CASS4: variants seen among roughly 807,000 people sequenced by gnomAD.
CASS4 encodes Cas scaffold protein family member 4, also known as cas scaffolding protein family member 4.
A neutral mutation model predicts 54.2 loss-of-function variants in CASS4; 22 were observed. That is an observed-to-expected ratio of 0.41 (90% CI 0.29 to 0.58). The LOEUF (loss-of-function observed/expected upper bound fraction) is 0.58, where lower values mean the gene tolerates loss of function less well. CASS4 is among the 20% of genes least tolerant of loss of function. CASS4 has a pLI of 0.36. For synonymous variants in CASS4, 409 were observed against 391.5 expected (o/e 1.04, Z -0.53); for missense variants, 854 against 986.7 (o/e 0.87, Z 1.80).
intron 5 of CASS4, among the ~76,000 whole-genome samples, chr20:56,457,682 A>G (rs1241687095): frequency 1.3e-5 from 2 of 152,146 alleles, no homozygotes; most frequent in South Asian, 4.1e-4. Context: ...TTCTTTGAGA[A>G]AATTTTAAAT....
intron 1 of CASS4, among the ~76,000 whole-genome samples, chr20:56,421,731 A>G (rs1979420063): frequency 6.6e-6 from 1 of 152,162 alleles, no homozygotes; most frequent in African/African-American, 2.4e-5. Flanking sequence ...ACAGGCTTAG[A>G]CAAAGTTTTC....
chr20:56,429,239 A>C (rs183928458), intron 1 of CASS4, among the ~76,000 whole-genome samples: 2 of 152,234 alleles, frequency 1.3e-5, no homozygotes, highest in East Asian at 3.9e-4. Flanking sequence ...TGTGCGGGCC[A>C]GTTCCCTCTC....
At chr20:56,425,079 C>T (rs2146268676) in intron 1 of CASS4, among the ~76,000 whole-genome samples, 1 of 152,358 alleles carries the variant, frequency 6.6e-6, no homozygotes, top group South Asian at 2.1e-4. Context: ...CCTTGGGGAA[C>T]ATGTCCCATC....
intron 1 of CASS4, among the ~76,000 whole-genome samples, chr20:56,423,696 C>T (rs908147461): frequency 2.0e-5 from 3 of 152,112 alleles, no homozygotes; most frequent in Non-Finnish European, 4.4e-5. Flanking sequence ...AGGCATGCAC[C>T]ACCATGCCCG....
intron 2 of CASS4, among the ~76,000 whole-genome samples, chr20:56,443,968 G>A (rs946705994): frequency 5.9e-5 from 9 of 152,158 alleles, no homozygotes; most frequent in Non-Finnish European, 1.3e-4. Flanking sequence ...AAGTTTCTCA[G>A]GGAGTAAGAA....
At chr20:56,426,704 A>C (rs1370909147) in intron 1 of CASS4, among the ~76,000 whole-genome samples, 2 of 152,038 alleles carry the variant, frequency 1.3e-5, no homozygotes, top group Non-Finnish European at 2.9e-5. Context: ...CAGCCTCCCA[A>C]GTAGCTGGGA....
intron 2 of CASS4, among the ~76,000 whole-genome samples, chr20:56,443,902 C>G (rs1334982670): frequency 6.6e-6 from 1 of 152,140 alleles, no homozygotes; most frequent in Admixed American, 6.5e-5. Flanking sequence ...ATGCTTCATT[C>G]TTACTGAGAG....
intron 2 of CASS4, among the ~76,000 whole-genome samples, chr20:56,445,467 C>G (rs968625267): frequency 6.6e-6 from 1 of 152,216 alleles, no homozygotes; most frequent in African/African-American, 2.4e-5. Context: ...ACTTCTCCAG[C>G]CTCAGCCTAG....
At chr20:56,434,749 ATTTATT>A (rs1980074603) in intron 1 of CASS4, among the ~76,000 whole-genome samples, 1 of 152,028 alleles carries the variant, frequency 6.6e-6, no homozygotes, top group Non-Finnish European at 1.5e-5. Context: ...CGGTCCCACA[ATTTATT>A]TTTAAGTGGG....
At chr20:56,441,697 GC>G (rs1351005678) in intron 2 of CASS4, among the ~76,000 whole-genome samples, 2 of 152,118 alleles carry the variant, frequency 1.3e-5, no homozygotes, top group African/African-American at 4.8e-5. Context: ...ACTCAGGAGT[GC>G]CATCTCATTT....
chr20:56,426,434 C>A (rs1600750141), intron 1 of CASS4, among the ~76,000 whole-genome samples: 1 of 152,216 alleles, frequency 6.6e-6, no homozygotes, highest in Admixed American at 6.5e-5. Flanking sequence ...GACACAGTTC[C>A]TGCGTAGTTA....
At chr20:56,425,829 CCT>C (rs1362413242) in intron 1 of CASS4, among the ~76,000 whole-genome samples, 4 of 152,200 alleles carry the variant, frequency 2.6e-5, no homozygotes, top group Non-Finnish European at 5.9e-5. Context: ...TCCCCAGACC[CCT>C]GTTTCCTACC....
At chr20:56,455,555 A>G (rs1425666121) in intron 5 of CASS4, among the ~76,000 whole-genome samples, 1 of 152,202 alleles carries the variant, frequency 6.6e-6, no homozygotes, top group African/African-American at 2.4e-5. Flanking sequence ...CAGTTATGCT[A>G]TTTTGTTCAA....
In CASS4 at chr20:56,450,667, C is replaced by G. The variant is rs770991801; in HGVS notation, c.630C>G (p.Asp210Glu). ...SPKKAGLHPP[D>E]SQASGQGVPL... is the part of the protein sequence containing the mutation. ...AGAAGGCAGGACTCCATCCCCCAGA[C>G]AGCCAAGCAAGTGTAAGTATGAAGA... The change falls in exon 4 of 6, where the codon GAC (aspartate) becomes GAG (glutamate). Residue 210 changes from aspartate to glutamate, a missense_variant. By Grantham distance (45) the Asp-to-Glu change is conservative. Coordinates refer to ENST00000679887, the MANE Select transcript of CASS4 (RefSeq NM_020356.4). The G allele has an allele frequency of 6.8e-6, 11 of 1,614,076 alleles. No individual in the cohort carries two copies. The highest frequency in any genetic ancestry group is 6.7e-5 in the African/African-American group (5 of 75,026).
chr20:56,419,570 G>A (rs193000626), intron 1 of CASS4, among the ~76,000 whole-genome samples: 300 of 152,276 alleles, frequency 2.0e-3, no homozygotes, highest in African/African-American at 6.9e-3. Flanking sequence ...GGGGCTTCAG[G>A]CATGCACCAC....
chr20:56,451,283 G>A (rs577559440), intron 4 of CASS4, among the ~76,000 whole-genome samples: 10 of 152,270 alleles, frequency 6.6e-5, no homozygotes, highest in African/African-American at 9.6e-5. Flanking sequence ...TTCTTCTTAC[G>A]ACAGACCTCA....
chr20:56,447,092 C>T (rs1158999357), intron 3 of CASS4, among the ~76,000 whole-genome samples: 1 of 151,784 alleles, frequency 6.6e-6, no homozygotes, highest in Non-Finnish European at 1.5e-5. Context: ...CCTGTAGTCC[C>T]AGCTACTAGA....
Position 56,459,655 on chromosome 20 carries a change from A to G in CASS4, c.*908A>G, listed in dbSNP as rs139719252. The G allele has an allele frequency of 0.012, 1,949 of 158,142 alleles. 51 individuals carry two copies. Among genetic ancestry groups the G allele is most frequent in the African/African-American group, 0.045 (1,862 of 41,600 alleles). 9.8% of individuals were successfully genotyped at this position (158,142 alleles called of 1,614,324 possible). On this transcript the variant is annotated 3_prime_UTR_variant, in exon 6 of 6. Transcript: ENST00000679887. ...GAGCTAATTTTTGTATTTTTAGTAGAGTCGGGGTTTCACCATATTAGCCAG... is the reference window on the plus strand; with the variant it reads ...GAGCTAATTTTTGTATTTTTAGTAGGGTCGGGGTTTCACCATATTAGCCAG...
chr20:56,422,323 G>A lies in CASS4; in HGVS notation c.36+9829G>A, dbSNP rs574285109. ...CATCCATGATAATCAATTATGTGAA[G>A]GCCTGAGAGACCTTTATTGTTGCAT... On this transcript the variant is annotated intron_variant, in intron 1 of 5. Transcript: ENST00000679887. Among the ~76,000 whole-genome samples the A allele has an allele frequency of 9.8e-5, 15 of 152,312 alleles. No individual in the cohort carries two copies. The East Asian group carries it at 2.5e-3, about 25-fold the overall frequency.
Sources: allele counts gnomAD v4.1 joint callset (sites outside exome capture counted in the v4.1 genomes callset), GRCh38; gene constraint gnomAD v4.1.1; transcripts MANE v1.5; gene names NCBI Gene and HGNC (gene_info 2026-07-23, HGNC 2026-07-21).